The following RAPGEF5 variants were observed in gnomAD, a reference collection of about 807,000 sequenced individuals.
RAPGEF5 encodes M-Ras-regulated GEF.
RAPGEF5 carries 65 observed loss-of-function variants against 125.2 expected under a neutral mutation model. The ratio of observed to expected loss-of-function variants is 0.52; its 90% confidence interval spans 0.43 to 0.64. The LOEUF (loss-of-function observed/expected upper bound fraction) is 0.64, where lower values mean the gene tolerates loss of function less well. Among genes scored for constraint, RAPGEF5 ranks in the 30% least tolerant of loss-of-function variants. The pLI is 0.00. For synonymous variants in RAPGEF5, 391 were observed against 385.9 expected, an observed-to-expected ratio of 1.01 and a Z score of -0.16; for missense variants, 958 against 1,048.1, an observed-to-expected ratio of 0.91 and a Z score of 1.19.
chr7:22,351,328 G>C (rs931246975), intron 1 of RAPGEF5, among the ~76,000 whole-genome samples: 2 of 152,160 alleles, frequency 1.3e-5, no homozygotes, highest in African/African-American at 4.8e-5. Flanking sequence ...AAAGTGAAAA[G>C]TCTGACATTA....
chr7:22,189,050 A>AT (rs1422149619), intron 11 of RAPGEF5, among the ~76,000 whole-genome samples: 10 of 105,562 alleles, frequency 9.5e-5, no homozygotes, highest in South Asian at 3.2e-4. Context: ...ACCTCATGAA[A>AT]TTAAAAAAAA....
chr7:22,198,469 G>A (rs1785203388), intron 9 of RAPGEF5, among the ~76,000 whole-genome samples: 1 of 152,224 alleles, frequency 6.6e-6, no homozygotes, highest in Non-Finnish European at 1.5e-5. Context: ...TAGCTTGAGA[G>A]TAGCTCATGT....
intron 9 of RAPGEF5, 129 bp from the exon 10 acceptor site, chr7:22,194,162 T>C (rs188220305): frequency 2.2e-4 from 174 of 805,242 alleles, no homozygotes; most frequent in Non-Finnish European, 3.1e-4. Context: ...TCTTCAAAGA[T>C]TGAGAATAAA....
At chr7:22,125,327 T>A in intron 25 of RAPGEF5, 1 of 322,376 alleles carries the variant, frequency 3.1e-6, no homozygotes, top group Admixed American at 4.4e-5. Flanking sequence ...TCAGCGGGAG[T>A]TGCGGGGAGG....
intron 1 of RAPGEF5, among the ~76,000 whole-genome samples, chr7:22,345,696 CTTTTTTTTTTTTTT>C (rs60654602): frequency 9.4e-6 from 1 of 106,680 alleles, no homozygotes. Flanking sequence ...GTCTAGGCAG[CTTTTTTTTTTTTTT>C]TTTTTTTTTA....
At chr7:22,214,685 C>T (rs956513587) in intron 9 of RAPGEF5, among the ~76,000 whole-genome samples, 2 of 151,006 alleles carry the variant, frequency 1.3e-5, no homozygotes, top group African/African-American at 2.4e-5. Context: ...TGCATTCCCG[C>T]CCCCCAACCC....
Position 22,199,907 on chromosome 7 carries a change from G to A in RAPGEF5, c.997-5874C>T, listed in dbSNP as rs138889207. On this transcript the variant is annotated intron_variant, in intron 9 of 25. Transcript: ENST00000665637. ...GCTCTCTCTCAAGCTGAAGCGGAGTGTATCAACAATATCATAGAACAAATG... is the reference window on the plus strand; with the variant it reads ...GCTCTCTCTCAAGCTGAAGCGGAGTATATCAACAATATCATAGAACAAATG... Among the ~76,000 whole-genome samples the A allele has an allele frequency of 5.2e-3, 791 of 152,296 alleles. 7 individuals carry two copies. Among genetic ancestry groups the A allele is most frequent in the African/African-American group, 0.018 (760 of 41,570 alleles).
Position 22,150,513 on chromosome 7 carries a change from G to GAAAAAAAAAAAAAAAAAGGAAAAAAA in RAPGEF5, c.1787-10_1787-9insTTTTTTTCCTTTTTTTTTTTTTTTTT, listed in dbSNP as rs1783592556. On this transcript the variant is annotated splice_polypyrimidine_tract_variant and intron_variant, in intron 17 of 25. Coordinates refer to ENST00000665637, the MANE Select transcript of RAPGEF5 (RefSeq NM_012294.5). ...CTGAAGTTCATGCTTTTCTTTATTT[G>GAAAAAAAAAAAAAAAAAGGAAAAAAA]AAAAAAAAAAAAAAAAAAGGAATAA... 9.5e-7 allele frequency: 1 copy of GAAAAAAAAAAAAAAAAAGGAAAAAAA among 1,054,936 alleles called. No homozygotes were observed. 65.3% of individuals were successfully genotyped at this position (1,054,936 alleles called of 1,614,324 possible).
intron 24 of RAPGEF5, among the ~76,000 whole-genome samples, chr7:22,128,474 A>G (rs1016719984): frequency 6.6e-6 from 1 of 152,198 alleles, no homozygotes; most frequent in Non-Finnish European, 1.5e-5. Context: ...ACTTTTCACA[A>G]GTTAATTCAC....
chr7:22,240,523 C>G (rs568989739), intron 7 of RAPGEF5, among the ~76,000 whole-genome samples: 2 of 151,974 alleles, frequency 1.3e-5, no homozygotes, highest in African/African-American at 2.4e-5. Context: ...AGGTGCCCAC[C>G]ACCATGCTCG....
intron 24 of RAPGEF5, 134 bp downstream of exon 24, chr7:22,130,903 A>T: frequency 7.9e-7 from 1 of 1,259,900 alleles, no homozygotes; most frequent in Non-Finnish European, 1.1e-6. Flanking sequence ...TCCTTGAATG[A>T]AGCAAATAAG....
intron 8 of RAPGEF5, among the ~76,000 whole-genome samples, chr7:22,230,393 T>C (rs1481923638): frequency 6.6e-6 from 1 of 152,226 alleles, no homozygotes; most frequent in Admixed American, 6.5e-5. Flanking sequence ...TGCTCCACTG[T>C]TATATAAAGT....
At chr7:22,236,038 C>T (rs56749560) in intron 7 of RAPGEF5, among the ~76,000 whole-genome samples, 6,483 of 152,184 alleles carry the variant, frequency 0.043, 466 homozygotes, top group African/African-American at 0.15. Context: ...CCATCCAGTG[C>T]CATTGAACTT....
At chr7:22,248,968 A>G (rs1200819877) in intron 7 of RAPGEF5, among the ~76,000 whole-genome samples, 4 of 152,206 alleles carry the variant, frequency 2.6e-5, no homozygotes, top group Non-Finnish European at 5.9e-5. Flanking sequence ...AATTTCTCAC[A>G]GTCATTCTTC....
chr7:22,280,984 T>C (rs556083957), intron 6 of RAPGEF5, among the ~76,000 whole-genome samples: 147 of 152,350 alleles, frequency 9.6e-4, no homozygotes, highest in Non-Finnish European at 1.5e-3. Context: ...AAAATATACT[T>C]CTGACTTTAA....
At position 22,119,330 on chromosome 7, in the gene RAPGEF5, AC is replaced by A. The variant is rs1476825298; in HGVS notation, c.*3075del. On this transcript the variant is annotated 3_prime_UTR_variant, in exon 26 of 26. Transcript: ENST00000665637. The surrounding 1 kb of genome is among the most constrained non-coding windows in gnomAD (Gnocchi z 4.1). Reference sequence around the variant, plus strand: ...CTAAATTCGGTGTATGCTCCACACTACCTGTTTGTGGTTCTCGGTCTAGGGA... The same window carrying A: ...CTAAATTCGGTGTATGCTCCACACTACTGTTTGTGGTTCTCGGTCTAGGGA... 1 of 151,882 alleles carries A rather than the reference AC, an allele frequency of 6.6e-6. No homozygotes were observed. Among genetic ancestry groups the A allele is most frequent in the Non-Finnish European group, 1.5e-5 (1 of 67,950 alleles). 9.4% of individuals were successfully genotyped at this position (151,882 alleles called of 1,614,324 possible).
chr7:22,352,819 C>T (rs1784354012), intron 1 of RAPGEF5, among the ~76,000 whole-genome samples: 1 of 152,060 alleles, frequency 6.6e-6, no homozygotes, highest in South Asian at 2.1e-4. Flanking sequence ...CTTTACAGAC[C>T]GAATTCCAAT....
At chr7:22,163,337 T>A (rs1415000888) in intron 12 of RAPGEF5, among the ~76,000 whole-genome samples, 1 of 152,260 alleles carries the variant, frequency 6.6e-6, no homozygotes, top group African/African-American at 2.4e-5. Context: ...TTTAACGGAC[T>A]ATTCAGCAGC....
Position 22,145,138 on chromosome 7 carries a change from C to T in RAPGEF5, c.2092G>A (p.Glu698Lys), listed in dbSNP as rs1783392906. The T allele has an allele frequency of 1.2e-6, 2 of 1,613,688 alleles. No homozygotes were observed. Among genetic ancestry groups the T allele is most frequent in the Non-Finnish European group, 1.7e-6 (2 of 1,179,812 alleles). The change falls in exon 20 of 26, where the codon GAG becomes AAG. Residue 698 changes from glutamate (E) to lysine (K), a missense_variant. Glu to Lys is a moderately conservative substitution (Grantham distance 56, BLOSUM62 1). Coordinates refer to ENST00000665637, the MANE Select transcript of RAPGEF5 (RefSeq NM_012294.5). ...NLSLLLQRCN[E>K]VQLWVATEIL... ...TCCGTGGCCACCCAAAGCTGGACCT[C>T]ATTGCATCTCTGGAGCAGAAGGCTG...
Sources: allele counts gnomAD v4.1 joint callset (sites outside exome capture counted in the v4.1 genomes callset), GRCh38; gene constraint gnomAD v4.1.1; non-coding constraint Gnocchi (gnomAD v3.1); transcripts MANE v1.5; gene names NCBI Gene and HGNC (gene_info 2026-07-23, HGNC 2026-07-21).